DICER1: variants seen among roughly 807,000 people sequenced by gnomAD.
DICER1 encodes the protein endoribonuclease Dicer.
In DICER1, 43 loss-of-function variants were observed where a neutral mutation model predicts 194.1. The ratio of observed to expected loss-of-function variants is 0.22; its 90% CI spans 0.17 to 0.29. DICER1 has a LOEUF of 0.29. Ranked by LOEUF, DICER1 falls within the 10% of genes least tolerant of loss-of-function variation. The probability of loss-of-function intolerance (pLI) is 1.00; values close to 1 mark genes in which losing one functional copy is unlikely to be tolerated. For synonymous variants in DICER1, 832 were observed against 820.5 expected (o/e 1.01, Z -0.24); for missense variants, 1,608 against 2,317.0 (o/e 0.69, Z 6.28).
intron 14 of DICER1, among the ~76,000 whole-genome samples, chr14:95,110,001 T>C (rs1452800920): frequency 1.3e-5 from 2 of 152,218 alleles, no homozygotes; most frequent in African/African-American, 2.4e-5. Flanking sequence ...TAATATATGC[T>C]GTAAGTCCTC....
intron 24 of DICER1, 127 bp downstream of exon 24, chr14:95,093,761 C>T: frequency 1.9e-6 from 2 of 1,032,762 alleles, no homozygotes; most frequent in Non-Finnish European, 3.0e-6. Context: ...CCACAGAACA[C>T]AGCACACTGG....
rs2140261084 is a variant in DICER1, at chr14:95,129,587, C to T, written c.619G>A (p.Ala207Thr). ...TCACATTTCCCATTTAAAATGGAAG[C>T]AGTTAGTCCCAAAATGCGAGGACAT... Reference protein sequence around the residue: ...PSCPRILGLTASILNGKCDPE... With the variant: ...PSCPRILGLTTSILNGKCDPE... Residue 207 changes from alanine (A) to threonine (T), a missense_variant, in exon 6 of 27, where the codon GCT (alanine) becomes ACT (threonine). Coordinates refer to ENST00000343455, the MANE Select transcript of DICER1 (RefSeq NM_177438.3). The T allele has an allele frequency of 1.2e-6, 2 of 1,613,408 alleles. No homozygotes were observed. Among genetic ancestry groups the T allele is most frequent in the African/African-American group, 1.3e-5 (1 of 75,018 alleles).
chr14:95,150,226 G>A (rs547503380), intron 1 of DICER1, among the ~76,000 whole-genome samples: 7 of 152,334 alleles, frequency 4.6e-5, no homozygotes, highest in Non-Finnish European at 7.4e-5. Flanking sequence ...GCTCATGCCT[G>A]CAATCCCAGC....
chr14:95,116,621 T>G lies in DICER1; in HGVS notation c.1584A>C (p.Ile528=). ...ATSIVEEGVD[I]PKCNLVVRFD... ...AACGAACCACCAAGTTGCATTTTGG[T>G]ATATCAACACCCTCTTCTACAATAC... Residue 528 remains isoleucine (I), a synonymous_variant, in exon 10 of 27, where the codon ATA becomes ATC. Coordinates refer to ENST00000343455, the MANE Select transcript of DICER1 (RefSeq NM_177438.3). The G allele has an allele frequency of 1.2e-6, 2 of 1,614,018 alleles. No individual in the cohort carries two copies. Among genetic ancestry groups the G allele is most frequent in the Non-Finnish European group, 1.7e-6 (2 of 1,179,962 alleles).
chr14:95,125,769 G>A (rs1332230676), intron 7 of DICER1, among the ~76,000 whole-genome samples: 3 of 85,738 alleles, frequency 3.5e-5, no homozygotes, highest in African/African-American at 9.4e-5. Flanking sequence ...AGGGGGAGGG[G>A]AGGGGGAGGG....
chr14:95,143,502 C>T (rs1377496642), intron 1 of DICER1, among the ~76,000 whole-genome samples: 3 of 152,076 alleles, frequency 2.0e-5, no homozygotes, highest in Admixed American at 6.5e-5. Context: ...AACACTCAAT[C>T]GCCTGGTTTC....
At chr14:95,127,509 A>G (rs574424632) in intron 6 of DICER1, among the ~76,000 whole-genome samples, 1 of 152,354 alleles carries the variant, frequency 6.6e-6, no homozygotes, top group African/African-American at 2.4e-5. Flanking sequence ...CATGAAATTC[A>G]TTTATGTTTC....
chr14:95,116,301 CT>C, intron 10 of DICER1, 151 bp downstream of exon 10: 2 of 981,984 alleles, frequency 2.0e-6, no homozygotes, highest in Non-Finnish European at 3.0e-6. Flanking sequence ...TCATTCTCAA[CT>C]TCCTTACAAT....
At position 95,094,027 on chromosome 14, in the gene DICER1, T is replaced by G. The variant is rs2139813166; in HGVS notation, c.5225A>C (p.Asn1742Thr). 6.2e-7 allele frequency: 1 copy of G among 1,614,108 alleles called. No individual in the cohort carries two copies. Among genetic ancestry groups the G allele is most frequent in the Non-Finnish European group, 8.5e-7 (1 of 1,180,028 alleles). The change falls in exon 24 of 27, where the codon AAC becomes ACC. Residue 1742 changes from asparagine to threonine, a missense_variant. By Grantham distance (65) the Asn-to-Thr change is moderately conservative. Around this residue, in one of 10 missense-constraint regions of DICER1, gnomAD observed 138 missense variants for 298.3 expected, o/e 0.46. Transcript: ENST00000343455. ...TACAGCCAGCGATGCAAAGATGGTGTTGTTGACCAGGGCAGACCGCAGGTC... is the reference window on the plus strand; with the variant it reads ...TACAGCCAGCGATGCAAAGATGGTGGTGTTGACCAGGGCAGACCGCAGGTC... ...LTDLRSALVNNTIFASLAVKY... is the reference protein window; with the variant it reads ...LTDLRSALVNTTIFASLAVKY...
intron 1 of DICER1, among the ~76,000 whole-genome samples, chr14:95,154,030 G>T (rs1006874500): frequency 6.6e-6 from 1 of 152,130 alleles, no homozygotes; most frequent in Admixed American, 6.5e-5. Context: ...CACAGCAAAA[G>T]GTAAACAAAA....
Position 95,088,992 on chromosome 14 carries a change from G to A in DICER1, c.*1506C>T, listed in dbSNP as rs529235567. ...CCTCTACTGGTATGTTGATGGGAGT[G>A]CAAGACTGACCCACAGCTTTTAAAA... On this transcript the variant is annotated 3_prime_UTR_variant, in exon 27 of 27. Coordinates refer to ENST00000343455, the MANE Select transcript of DICER1 (RefSeq NM_177438.3). 247 of 232,850 alleles carry A rather than the reference G, an allele frequency of 1.1e-3. 1 individual carries two copies. Among genetic ancestry groups the A allele is most frequent in the Non-Finnish European group, 1.7e-3 (204 of 117,914 alleles). The allele number at this position is 232,850 out of a possible 1,614,324, so 14.4% of individuals were successfully genotyped here.
chr14:95,122,491 C>T (rs1469694688), intron 8 of DICER1, among the ~76,000 whole-genome samples: 1 of 152,130 alleles, frequency 6.6e-6, no homozygotes, highest in Admixed American at 6.5e-5. Flanking sequence ...CTCCCAGGTC[C>T]GTCTCCTGGC....
At chr14:95,126,463 A>G in intron 7 of DICER1, 117 bp downstream of exon 7, 1 of 674,196 alleles carries the variant, frequency 1.5e-6, no homozygotes, top group Non-Finnish European at 2.5e-6. Flanking sequence ...TAAAAAGATT[A>G]AGACCTTAAA....
At chr14:95,125,005 AG>A (rs1893285316) in intron 7 of DICER1, among the ~76,000 whole-genome samples, 1 of 152,266 alleles carries the variant, frequency 6.6e-6, no homozygotes, top group Admixed American at 6.5e-5. Flanking sequence ...AAATTTATGT[AG>A]CACAGTAATT....
rs373334516 is a variant in DICER1, at chr14:95,115,826, A to T, written c.1753-5T>A. Reference sequence around the variant, plus strand: ...GGAACACTTGTTTCTCAAGATCTGAACATTTAAAAAACAGAACTTATGATG... The same window carrying T: ...GGAACACTTGTTTCTCAAGATCTGATCATTTAAAAAACAGAACTTATGATG... On this transcript the variant is annotated splice_polypyrimidine_tract_variant and splice_region_variant and intron_variant, in intron 10 of 26. Transcript: ENST00000343455. The T allele has an allele frequency of 5.0e-6, 8 of 1,613,932 alleles. No homozygotes were observed.
At chr14:95,152,376 TCTTCCC>T (rs1483236229) in intron 1 of DICER1, among the ~76,000 whole-genome samples, 3 of 152,248 alleles carry the variant, frequency 2.0e-5, no homozygotes, top group African/African-American at 7.2e-5. Flanking sequence ...CAAGCAATAT[TCTTCCC>T]CACAAAACTG....
Position 95,124,436 on chromosome 14 carries a change from T to C in DICER1, c.1136A>G (p.Lys379Arg), listed in dbSNP as rs1893218088. The C allele has an allele frequency of 1.2e-6, 2 of 1,614,186 alleles. No homozygotes were observed. The highest frequency in any genetic ancestry group is 1.6e-4 in the Middle Eastern group (1 of 6,062). ...DLKFVTPKVI[K>R]LLEILRKYKP... ...ATATTTGCGTAAGATTTCGAGCAGTTTGATTACTTTAGGAGTTACAAATTT... is the reference window on the plus strand; with the variant it reads ...ATATTTGCGTAAGATTTCGAGCAGTCTGATTACTTTAGGAGTTACAAATTT... Residue 379 changes from lysine to arginine, a missense_variant, in exon 8 of 27, where the codon AAA (lysine) becomes AGA (arginine). By Grantham distance (26) the Lys-to-Arg change is conservative (BLOSUM62 2). Transcript: ENST00000343455. The surrounding 1 kb of genome is among the most constrained non-coding windows in gnomAD (Gnocchi z 4.5).
intron 8 of DICER1, among the ~76,000 whole-genome samples, chr14:95,122,956 A>G (rs1377010671): frequency 4.2e-5 from 6 of 144,440 alleles, no homozygotes; most frequent in Admixed American, 3.4e-4. Context: ...GCGCACACAC[A>G]CACAAAGAAA....
intron 4 of DICER1, among the ~76,000 whole-genome samples, chr14:95,130,712 G>T (rs1404293128): frequency 1.3e-5 from 2 of 152,194 alleles, no homozygotes; most frequent in African/African-American, 4.8e-5. Context: ...TAATCACTGT[G>T]TATCCCCCAA....
Sources: gnomAD v4.1 joint callset for allele counts (sites outside exome capture counted in the v4.1 genomes callset) on GRCh38, gnomAD v4.1.1 for gene constraint, gnomAD v4.1.1 regional missense constraint, Gnocchi (gnomAD v3.1) non-coding constraint, MANE v1.5 for transcripts, NCBI Gene and HGNC (gene_info 2026-07-23, HGNC 2026-07-21) for gene names.